The following ZC3H13 variants were observed in gnomAD, a reference collection of about 807,000 sequenced individuals.
The protein encoded by ZC3H13 is zinc finger CCCH domain-containing protein 13.
In ZC3H13, 64 loss-of-function variants were observed where a neutral mutation model predicts 204.1. The ratio of observed to expected loss-of-function variants is 0.31; its 90% CI spans 0.26 to 0.39. The LOEUF (loss-of-function observed/expected upper bound fraction) is 0.39. ZC3H13 is among the 10% of genes least tolerant of loss of function. The pLI is 1.00. For missense variants in ZC3H13, 1,833 were observed against 2,082.7 expected (o/e 0.88, Z 2.33); for synonymous variants, 667 against 693.7 (o/e 0.96, Z 0.60).
At chr13:45,978,022 CT>C (rs1953211171) in intron 11 of ZC3H13, among the ~76,000 whole-genome samples, 1 of 152,092 alleles carries the variant, frequency 6.6e-6, no homozygotes, top group African/African-American at 2.4e-5. Flanking sequence ...GCACATGTTT[CT>C]TTCAGTTCTG....
In ZC3H13 at chr13:46,042,275, C is replaced by A. The variant is rs1381547210; in HGVS notation, c.228G>T (p.Arg76Ser). The change falls in exon 4 of 19, where the codon AGG becomes AGT. Residue 76 changes from arginine (R) to serine (S), a missense_variant and splice_region_variant. By Grantham distance (110) the Arg-to-Ser change is moderately radical. Transcript: ENST00000679008. ...GATCCCCTGTAGGTCTTTCTGGTGA[C>A]CTTTGAACCAAAACACAGAAACAAA... ...RGKGYSSNYR[R>S]SPERPTGDLR... 6 of 1,607,306 alleles carry A rather than the reference C, an allele frequency of 3.7e-6. No homozygotes were observed. The highest frequency in any genetic ancestry group is 4.3e-6 in the Non-Finnish European group (5 of 1,175,844).
At chr13:46,047,919 C>T (rs1309926885) in intron 1 of ZC3H13, among the ~76,000 whole-genome samples, 1 of 151,970 alleles carries the variant, frequency 6.6e-6, no homozygotes, top group Non-Finnish European at 1.5e-5. Flanking sequence ...ACCACACTGC[C>T]TCAAGTGGAC....
At position 46,003,159 on chromosome 13, in the gene ZC3H13, T is replaced by A; in HGVS notation, c.924A>T (p.Arg308Ser). ...CTTACCTTGGCTTGTCTCTCTTTTCTCTTTGTCGTTCAAAATCTCGTCCTC... is the reference window on the plus strand; with the variant it reads ...CTTACCTTGGCTTGTCTCTCTTTTCACTTTGTCGTTCAAAATCTCGTCCTC... Reference protein sequence around the residue: ...KDRGRDFERQREKRDKPRSTS... With the variant: ...KDRGRDFERQSEKRDKPRSTS... The change falls in exon 8 of 19, where the codon AGA becomes AGT. Residue 308 changes from arginine to serine, a missense_variant. Coordinates refer to ENST00000679008, the MANE Select transcript of ZC3H13 (RefSeq NM_001330564.2). The A allele has an allele frequency of 1.2e-6, 2 of 1,611,618 alleles. No individual in the cohort carries two copies. Among genetic ancestry groups the A allele is most frequent in the Non-Finnish European group, 1.7e-6 (2 of 1,179,698 alleles).
At chr13:45,970,583 T>C (rs1231234130) in intron 12 of ZC3H13, 118 bp from the exon 13 acceptor site, 10 of 735,456 alleles carry the variant, frequency 1.4e-5, no homozygotes, top group African/African-American at 3.5e-5. Flanking sequence ...GAAAGCAATA[T>C]TGCCAGAGTG....
intron 17 of ZC3H13, 142 bp from the exon 18 acceptor site, chr13:45,959,788 A>T (rs867304226): frequency 1.0e-4 from 95 of 933,830 alleles, no homozygotes; most frequent in South Asian, 8.1e-4. Flanking sequence ...AAGGCAATAT[A>T]TTCTCTGTGA....
chr13:46,038,197 T>C (rs953151006), intron 4 of ZC3H13, among the ~76,000 whole-genome samples: 7 of 152,336 alleles, frequency 4.6e-5, no homozygotes, highest in Non-Finnish European at 1.0e-4. Flanking sequence ...ATCATTTTTA[T>C]AACCTAGGCA....
intron 15 of ZC3H13, 142 bp downstream of exon 15, chr13:45,967,362 T>G (rs1031652203): frequency 2.1e-6 from 2 of 953,564 alleles, no homozygotes; most frequent in East Asian, 5.5e-5. Flanking sequence ...CTTTTCCTTC[T>G]GAAATCTACT....
chr13:45,967,835 A>C lies in ZC3H13; in HGVS notation c.3990T>G (p.Asp1330Glu). The C allele has an allele frequency of 5.6e-6, 9 of 1,613,632 alleles. No individual in the cohort carries two copies. The highest frequency in any genetic ancestry group is 7.6e-6 in the Non-Finnish European group (9 of 1,179,878). The change falls in exon 15 of 19, where the codon GAT (aspartate) becomes GAG (glutamate). Residue 1330 changes from aspartate (D) to glutamate (E), a missense_variant. Asp to Glu is a conservative substitution (Grantham distance 45). Coordinates refer to ENST00000679008, the MANE Select transcript of ZC3H13 (RefSeq NM_001330564.2). ...TATCTCGATCCCTGTTGCGTGGCCA[A>C]TCTTTATCAGCATCTCGGTCCCATT... ...QREWDRDADKDWPRNRDRDRL... is the reference protein window; with the variant it reads ...QREWDRDADKEWPRNRDRDRL...
chr13:45,961,701 A>G (rs1484300971), intron 17 of ZC3H13, among the ~76,000 whole-genome samples: 1 of 152,122 alleles, frequency 6.6e-6, no homozygotes, highest in East Asian at 1.9e-4. Flanking sequence ...TGTCAATAAC[A>G]ATTTAATTAT....
chr13:45,983,747 C>T (rs939143387), intron 10 of ZC3H13, among the ~76,000 whole-genome samples: 1 of 151,964 alleles, frequency 6.6e-6, no homozygotes, highest in African/African-American at 2.4e-5. Flanking sequence ...ATATTTAACA[C>T]TGTATTGATA....
At chr13:46,009,971 CAGA>C (rs2041430031) in intron 7 of ZC3H13, among the ~76,000 whole-genome samples, 1 of 152,010 alleles carries the variant, frequency 6.6e-6, no homozygotes, top group Non-Finnish European at 1.5e-5. Flanking sequence ...AAGCAATGTG[CAGA>C]AGGTTATGAT....
chr13:45,995,403 T>G (rs1184768749), intron 8 of ZC3H13, among the ~76,000 whole-genome samples: 7 of 152,232 alleles, frequency 4.6e-5, no homozygotes, highest in African/African-American at 1.7e-4. Flanking sequence ...CTTGGTTAAT[T>G]TGACTAAATG....
chr13:45,969,918 G>A lies in ZC3H13; in HGVS notation c.2626C>T (p.Leu876Phe), dbSNP rs780560158. 1.9e-6 allele frequency: 3 copies of A among 1,613,396 alleles called. No individual in the cohort carries two copies. The highest frequency in any genetic ancestry group is 8.5e-7 in the Non-Finnish European group (1 of 1,179,976). ...QVVRPQESRS[L>F]SPSHLTEDRQ... is the part of the protein sequence containing the mutation. ...TCTTCTGTGAGGTGCGAGGGACTAA[G>A]AGAACGAGATTCTTGAGGTCGTACA... The change falls in exon 14 of 19, where the codon CTT becomes TTT. Residue 876 changes from leucine (L) to phenylalanine (F), a missense_variant. Physicochemically the swap from Leu to Phe is conservative, Grantham distance 22 (BLOSUM62 0). Coordinates refer to ENST00000679008, the MANE Select transcript of ZC3H13 (RefSeq NM_001330564.2).
At chr13:45,968,220 C>T (rs568508648) in intron 14 of ZC3H13, among the ~76,000 whole-genome samples, 192 bp from the exon 15 acceptor site, 89 of 151,300 alleles carry the variant, frequency 5.9e-4, no homozygotes, top group African/African-American at 2.0e-3. Context: ...TATAAATATC[C>T]AAATATATAA....
Position 45,967,792 on chromosome 13 carries a change from G to A in ZC3H13, c.4033C>T (p.Arg1345Ter), listed in dbSNP as rs773278636. The A allele has an allele frequency of 1.2e-6, 2 of 1,611,564 alleles. No individual in the cohort carries two copies. The highest frequency in any genetic ancestry group is 1.7e-6 in the Non-Finnish European group (2 of 1,178,798). Residue 1345 changes from arginine (R) to a stop codon, truncating the protein, a stop_gained, in exon 15 of 19, where the codon CGA becomes TGA. Transcript: ENST00000679008. LOFTEE classifies it high-confidence loss of function. ...CTCCTTTTGTCTCGTTCTCTCTCTC[G>A]TTCTCGTTCTCGCAATCTATCTCGA... ...RDRDRLRERERERERDKRRDL... is the reference protein window; with the variant it reads ...RDRDRLRERE
At chr13:46,032,002 A>G (rs1337651126) in intron 4 of ZC3H13, among the ~76,000 whole-genome samples, 2 of 152,222 alleles carry the variant, frequency 1.3e-5, no homozygotes, top group African/African-American at 2.4e-5. Context: ...CATAATTGCC[A>G]AAACTTGGAA....
intron 5 of ZC3H13, among the ~76,000 whole-genome samples, chr13:46,013,242 C>T (rs912744054): frequency 1.3e-5 from 2 of 151,968 alleles, no homozygotes; most frequent in African/African-American, 2.4e-5. Flanking sequence ...GGTGAAACCC[C>T]GTCTCTACTA....
At chr13:46,024,377 A>G (rs2042407433) in intron 4 of ZC3H13, among the ~76,000 whole-genome samples, 1 of 152,084 alleles carries the variant, frequency 6.6e-6, no homozygotes, top group African/African-American at 2.4e-5. Flanking sequence ...TTGGTAGTAA[A>G]CACTCTCAAT....
intron 11 of ZC3H13, among the ~76,000 whole-genome samples, chr13:45,976,917 A>G (rs1953100835): frequency 6.6e-6 from 1 of 152,214 alleles, no homozygotes; most frequent in African/African-American, 2.4e-5. Context: ...GGAAGGGTTC[A>G]ATACAGTATT....
Sources: gnomAD v4.1 joint callset for allele counts (sites outside exome capture counted in the v4.1 genomes callset) on GRCh38, gnomAD v4.1.1 for gene constraint, MANE v1.5 for transcripts, NCBI Gene and HGNC (gene_info 2026-07-23, HGNC 2026-07-21) for gene names.